Variants in SOCS6 observed in about 807,000 individuals in gnomAD.
The protein encoded by SOCS6 is STAT induced STAT inhibitor-4.
A neutral mutation model predicts 27.7 loss-of-function variants in SOCS6; 5 were observed. The observed-to-expected ratio is 0.18, with a 90% CI of 0.09 to 0.38. The LOEUF (loss-of-function observed/expected upper bound fraction) is 0.38, where lower values mean the gene tolerates loss of function less well. Among genes scored for constraint, SOCS6 ranks in the 10% least tolerant of loss-of-function variants. SOCS6 has a pLI of 1.00. For missense variants in SOCS6, 595 were observed against 688.1 expected (o/e 0.86, Z 1.51); for synonymous variants, 271 against 260.0 (o/e 1.04, Z -0.41).
At chr18:70,294,884 C>T (rs2062316645) in intron 1 of SOCS6, among the ~76,000 whole-genome samples, 1 of 152,190 alleles carries the variant, frequency 6.6e-6, no homozygotes, top group African/African-American at 2.4e-5. Context: ...ACAGCGAACA[C>T]ACTAAAATAC....
In SOCS6 at chr18:70,325,028, G is replaced by A. The variant is rs756257758; in HGVS notation, c.360G>A (p.Arg120=). 1.2e-6 allele frequency: 2 copies of A among 1,614,112 alleles called. No individual in the cohort carries two copies. The highest frequency in any genetic ancestry group is 3.3e-5 in the Admixed American group (2 of 60,016). ...TCTTTAAAGACGTGAGAGCTCAGAG[G>A]CCGATAAGGTCCACGTCGCTCCGCA... ...PIVFKDVRAQ[R]PIRSTSLRSH... is the part of the protein sequence containing the mutation. The change falls in exon 2 of 2, where the codon AGG becomes AGA. Residue 120 remains arginine (R), a synonymous_variant. Transcript: ENST00000397942. This position sits in a 1 kb window ranked among gnomAD's most constrained non-coding sequence, Gnocchi z 6.3.
In SOCS6 at chr18:70,328,899, G is replaced by T. The variant is rs945728366; in HGVS notation, c.*2623G>T. ...TAGACACAATTTGGTTAAATTTTAG[G>T]ATTCTATTGGCAGTTAACATAGATG... is the stretch of plus-strand genomic sequence containing the variant. On this transcript the variant is annotated 3_prime_UTR_variant, in exon 2 of 2. Coordinates refer to ENST00000397942, the MANE Select transcript of SOCS6 (RefSeq NM_004232.4). 1 of 166,924 alleles carries T rather than the reference G, an allele frequency of 6.0e-6. No individual in the cohort carries two copies. The highest frequency in any genetic ancestry group is 3.1e-3 in the Middle Eastern group (1 of 318). 10.3% of individuals were successfully genotyped at this position (166,924 alleles called of 1,614,324 possible).
chr18:70,326,131 C>G lies in SOCS6; in HGVS notation c.1463C>G (p.Thr488Ser). 1 of 1,614,204 alleles carries G rather than the reference C, an allele frequency of 6.2e-7. No homozygotes were observed. Among genetic ancestry groups the G allele is most frequent in the Non-Finnish European group, 8.5e-7 (1 of 1,180,042 alleles). Residue 488 changes from threonine (T) to serine (S), a missense_variant, in exon 2 of 2, where the codon ACC (threonine) becomes AGC (serine). Thr to Ser is a moderately conservative substitution (Grantham distance 58, BLOSUM62 1). Transcript: ENST00000397942. ...PGSATYPVRL[T>S]NPVSRFMQVR... ...TCTGCAACTTACCCCGTCAGACTGACCAACCCAGTGTCCCGGTTCATGCAG... is the reference window on the plus strand; with the variant it reads ...TCTGCAACTTACCCCGTCAGACTGAGCAACCCAGTGTCCCGGTTCATGCAG...
intron 1 of SOCS6, among the ~76,000 whole-genome samples, chr18:70,318,105 C>G (rs956966592): frequency 6.6e-6 from 1 of 152,306 alleles, no homozygotes; most frequent in Non-Finnish European, 1.5e-5. Context: ...ATCCACCTGC[C>G]TCAGCATCCC....
At chr18:70,300,458 A>G (rs932295907) in intron 1 of SOCS6, among the ~76,000 whole-genome samples, 17 of 152,180 alleles carry the variant, frequency 1.1e-4, no homozygotes, top group African/African-American at 3.1e-4. Context: ...AGCCAACACA[A>G]AAAGCATTTT....
intron 1 of SOCS6, among the ~76,000 whole-genome samples, chr18:70,301,545 C>T (rs1482634105): frequency 2.0e-5 from 3 of 152,162 alleles, no homozygotes; most frequent in African/African-American, 7.2e-5. Flanking sequence ...GGGTGGGGAA[C>T]AACCCGAGTT....
intron 1 of SOCS6, among the ~76,000 whole-genome samples, chr18:70,295,843 G>A (rs1300922553): frequency 6.6e-6 from 1 of 152,200 alleles, no homozygotes; most frequent in African/African-American, 2.4e-5. Flanking sequence ...CACCACATTA[G>A]TAGTCGATTT....
chr18:70,314,936 G>A (rs1436593786), intron 1 of SOCS6, among the ~76,000 whole-genome samples: 2 of 151,576 alleles, frequency 1.3e-5, no homozygotes, highest in African/African-American at 4.8e-5. Context: ...TTGATGTTTA[G>A]TATTTTTTCA....
rs1184708368 is a variant in SOCS6 at position 70,327,228 on chromosome 18, C to T, written c.*952C>T. 1.2e-5 allele frequency: 2 copies of T among 166,892 alleles called. No individual in the cohort carries two copies. The highest frequency in any genetic ancestry group is 2.4e-5 in the African/African-American group (1 of 41,412). The allele number at this position is 166,892 out of a possible 1,614,324, so 10.3% of individuals were successfully genotyped here. On this transcript the variant is annotated 3_prime_UTR_variant, in exon 2 of 2. Transcript: ENST00000397942. ...TTTCTTGGGTGAACTTGATTGTCAA[C>T]TAATTTTCATAAATGGACTGGATTC...
In SOCS6 at chr18:70,328,259, C is replaced by T. The variant is rs1911284584; in HGVS notation, c.*1983C>T. 1 of 166,968 alleles carries T rather than the reference C, an allele frequency of 6.0e-6. No individual in the cohort carries two copies. Among genetic ancestry groups the T allele is most frequent in the Non-Finnish European group, 1.5e-5 (1 of 68,110 alleles). 10.3% of individuals were successfully genotyped at this position (166,968 alleles called of 1,614,324 possible). On this transcript the variant is annotated 3_prime_UTR_variant, in exon 2 of 2. Transcript: ENST00000397942. ...TATATCTAGGGTGAGTTAAAAGTCC[C>T]TGTGCATCTATATTAGATGGCAGGT...
chr18:70,297,014 G>GTTATTA (rs146261212), intron 1 of SOCS6, among the ~76,000 whole-genome samples: 1 of 142,070 alleles, frequency 7.0e-6, no homozygotes, highest in Admixed American at 6.8e-5. Flanking sequence ...TGTTGTTGTT[G>GTTATTA]TTGTTGTTGT....
chr18:70,324,983 C>T lies in SOCS6; in HGVS notation c.315C>T (p.Ser105=), dbSNP rs1568605656. 2 of 1,613,914 alleles carry T rather than the reference C, an allele frequency of 1.2e-6. No individual in the cohort carries two copies. Among genetic ancestry groups the T allele is most frequent in the Non-Finnish European group, 8.5e-7 (1 of 1,179,932 alleles). Residue 105 remains serine (S), a synonymous_variant, in exon 2 of 2, where the codon TCC becomes TCT. Transcript: ENST00000397942. ...SGSSADEDTF[S]SSSAPIVFKD... ...GCTCTGCCGACGAGGACACCTTCTC[C>T]TCCTCCTCAGCACCCATAGTCTTTA...
intron 1 of SOCS6, among the ~76,000 whole-genome samples, chr18:70,317,419 G>GGT (rs139320786): frequency 0.23 from 34,196 of 148,028 alleles, 4,162 homozygotes; most frequent in Middle Eastern, 0.38. Flanking sequence ...AGTATTCCAT[G>GGT]GTGTGTGTGT....
intron 1 of SOCS6, among the ~76,000 whole-genome samples, chr18:70,316,102 G>A (rs1190819875): frequency 1.3e-5 from 2 of 151,994 alleles, no homozygotes; most frequent in African/African-American, 2.4e-5. Flanking sequence ...CGCCCGCCTC[G>A]ACCTCCCAAA....
chr18:70,298,837 T>A (rs1185959317), intron 1 of SOCS6, among the ~76,000 whole-genome samples: 4 of 152,100 alleles, frequency 2.6e-5, no homozygotes, highest in Admixed American at 2.0e-4. Flanking sequence ...GAAAACTGAG[T>A]GTCCAGGCTG....
intron 1 of SOCS6, among the ~76,000 whole-genome samples, chr18:70,302,369 A>G (rs947802912): frequency 5.3e-5 from 8 of 152,058 alleles, no homozygotes; most frequent in Non-Finnish European, 1.2e-4. Flanking sequence ...AAGAGAGGGA[A>G]GGTGTGAAAT....
intron 1 of SOCS6, among the ~76,000 whole-genome samples, chr18:70,316,404 A>T (rs556857823): frequency 6.6e-6 from 1 of 152,332 alleles, no homozygotes; most frequent in East Asian, 1.9e-4. Context: ...TTTAGGGTAC[A>T]GAATCCCATA....
intron 1 of SOCS6, among the ~76,000 whole-genome samples, chr18:70,322,562 G>T (rs747278483): frequency 6.6e-5 from 10 of 152,136 alleles, no homozygotes; most frequent in Non-Finnish European, 1.2e-4. Context: ...ATTTAGTAGG[G>T]TTAATCAGTT....
In SOCS6 at chr18:70,325,692, T is replaced by C; in HGVS notation, c.1024T>C (p.Cys342Arg). 1 of 1,614,222 alleles carries C rather than the reference T, an allele frequency of 6.2e-7. No individual in the cohort carries two copies. Among genetic ancestry groups the C allele is most frequent in the Non-Finnish European group, 8.5e-7 (1 of 1,180,036 alleles). Reference protein sequence around the residue: ...TEAHVAESMRCHLNFDPNSAP... With the variant: ...TEAHVAESMRRHLNFDPNSAP... ...AGCCCACGTGGCTGAAAGTATGCGC[T>C]GTCATTTGAATTTTGATCCGAACTC... Residue 342 changes from cysteine to arginine, a missense_variant, in exon 2 of 2, where the codon TGT (cysteine) becomes CGT (arginine). Cys to Arg is a radical substitution (Grantham distance 180, BLOSUM62 -3). Transcript: ENST00000397942. This position sits in a 1 kb window ranked among gnomAD's most constrained non-coding sequence, Gnocchi z 6.3.
Sources: allele counts gnomAD v4.1 joint callset (sites outside exome capture counted in the v4.1 genomes callset), GRCh38; gene constraint gnomAD v4.1.1; non-coding constraint Gnocchi (gnomAD v3.1); transcripts MANE v1.5; gene names NCBI Gene and HGNC (gene_info 2026-07-23, HGNC 2026-07-21).